The following ADAMTS16 variants were observed in gnomAD, a reference collection of about 807,000 sequenced individuals.
The protein encoded by ADAMTS16 is ADAM metallopeptidase with thrombospondin type 1 motif 16, also known as A disintegrin and metalloproteinase with thrombospondin motifs 16.
Under a neutral mutation model 145.8 loss-of-function variants are expected in ADAMTS16, and 94 were observed. The ratio of observed to expected loss-of-function variants is 0.64; its 90% confidence interval spans 0.55 to 0.77. The LOEUF is 0.77. Ranked by LOEUF, ADAMTS16 falls within the 30% of genes least tolerant of loss-of-function variation. ADAMTS16 has a pLI of 0.00. For missense variants in ADAMTS16, 1,585 were observed against 1,591.5 expected, an observed-to-expected ratio of 1.00 and a Z score of 0.07; for synonymous variants, 659 against 604.3, an observed-to-expected ratio of 1.09 and a Z score of -1.33.
At chr5:5,246,008 A>G (rs1407969029) in intron 17 of ADAMTS16, among the ~76,000 whole-genome samples, 1 of 152,234 alleles carries the variant, frequency 6.6e-6, no homozygotes, top group Non-Finnish European at 1.5e-5. Flanking sequence ...AATATTGCCC[A>G]GAACCAGTTT....
chr5:5,283,359 C>G (rs1738992136), intron 18 of ADAMTS16, among the ~76,000 whole-genome samples: 1 of 152,166 alleles, frequency 6.6e-6, no homozygotes, highest in South Asian at 2.1e-4. Flanking sequence ...TCCTACATAA[C>G]TATTCTATAG....
In ADAMTS16 at chr5:5,146,234, G is replaced by T. The variant is rs1288807459; in HGVS notation, c.280G>T (p.Val94Phe). 8 of 1,614,038 alleles carry T rather than the reference G, an allele frequency of 5.0e-6. No individual in the cohort carries two copies. The highest frequency in any genetic ancestry group is 6.8e-6 in the Non-Finnish European group (8 of 1,180,044). Residue 94 changes from valine (V) to phenylalanine (F), a missense_variant, in exon 3 of 23, where the codon GTT becomes TTT. Physicochemically the swap from Val to Phe is conservative, Grantham distance 50. Around this residue, in one of 3 missense-constraint regions of ADAMTS16, gnomAD observed 453 missense variants for 412.1 expected, o/e 1.10. Transcript: ENST00000274181. ...GAGAAGAGCAGTGCCCGTGTCCGAG[G>T]TTGAGTCTCTTCACCTTCGGCTGAA... Reference protein sequence around the residue: ...RRRRAVPVSEVESLHLRLKGS... With the variant: ...RRRRAVPVSEFESLHLRLKGS...
intron 3 of ADAMTS16, among the ~76,000 whole-genome samples, chr5:5,164,331 AAG>A (rs1460060387): frequency 1.3e-5 from 2 of 152,190 alleles, no homozygotes; most frequent in African/African-American, 2.4e-5. Context: ...AAGGGAAACA[AAG>A]ACTCTTGTCC....
rs370243015 is a variant in ADAMTS16, at chr5:5,227,765, T to A, written c.1702-4603T>A. ...GTGTTTCCTTTGCCATTACTTTTGA[T>A]TGCAAAAACTGCAATTGCTTTTGCA... On this transcript the variant is annotated intron_variant, in intron 11 of 22. Coordinates refer to ENST00000274181, the MANE Select transcript of ADAMTS16 (RefSeq NM_139056.4). Among the ~76,000 whole-genome samples the A allele has an allele frequency of 1.2e-4, 18 of 152,326 alleles. No individual in the cohort carries two copies. In the East Asian group the frequency reaches 2.5e-3, roughly 21 times the overall value.
chr5:5,313,596 C>T (rs567693398), intron 21 of ADAMTS16, among the ~76,000 whole-genome samples: 11 of 152,180 alleles, frequency 7.2e-5, no homozygotes, highest in Non-Finnish European at 1.6e-4. Flanking sequence ...CTGGCTCATT[C>T]TGGGAGCTCC....
chr5:5,296,205 A>G (rs998507846), intron 18 of ADAMTS16, among the ~76,000 whole-genome samples: 1 of 152,188 alleles, frequency 6.6e-6, no homozygotes, highest in Non-Finnish European at 1.5e-5. Context: ...GCACTCACAG[A>G]GGCTAAGTCA....
intron 8 of ADAMTS16, among the ~76,000 whole-genome samples, chr5:5,193,776 T>G (rs1429902047): frequency 6.6e-6 from 1 of 152,168 alleles, no homozygotes; most frequent in Non-Finnish European, 1.5e-5. Flanking sequence ...GAAAAAAATA[T>G]TTTTTCTGGA....
Position 5,146,122 on chromosome 5 carries a change from G to T in ADAMTS16, c.176-8G>T, listed in dbSNP as rs768044362. ...TGACTCAGCCTCTGCTCACTCTTTT[G>T]ATTTCAGAATATGACCTGGTCTCTG... is the stretch of plus-strand genomic sequence containing the variant. On this transcript the variant is annotated splice_polypyrimidine_tract_variant and splice_region_variant and intron_variant, in intron 2 of 22. Transcript: ENST00000274181. 1.9e-6 allele frequency: 3 copies of T among 1,608,478 alleles called. No homozygotes were observed. Among genetic ancestry groups the T allele is most frequent in the African/African-American group, 1.3e-5 (1 of 74,914 alleles).
intron 16 of ADAMTS16, among the ~76,000 whole-genome samples, chr5:5,240,955 A>T (rs561746528): frequency 3.7e-4 from 57 of 152,292 alleles, no homozygotes; most frequent in Admixed American, 7.2e-4. Flanking sequence ...GGTTGAAAAT[A>T]AGTGGGGCTT....
chr5:5,240,018 A>T (rs1015146941), intron 16 of ADAMTS16, 93 bp downstream of exon 16: 2 of 1,526,878 alleles, frequency 1.3e-6, no homozygotes, highest in Admixed American at 2.0e-5. Context: ...TTTAAGAAGA[A>T]TGTAAACAGT....
intron 8 of ADAMTS16, among the ~76,000 whole-genome samples, chr5:5,199,923 C>A (rs1205004684): frequency 6.6e-6 from 1 of 152,182 alleles, no homozygotes; most frequent in Non-Finnish European, 1.5e-5. Flanking sequence ...CACTTTGAGG[C>A]AATTTGGTGG....
At position 5,188,859 on chromosome 5, in the gene ADAMTS16, C is replaced by T. The variant is rs370986070; in HGVS notation, c.1047+1051C>T. On this transcript the variant is annotated intron_variant, in intron 6 of 22. Coordinates refer to ENST00000274181, the MANE Select transcript of ADAMTS16 (RefSeq NM_139056.4). Reference sequence around the variant, plus strand: ...GGGGGTTGCTGAACATGCCGGGCTTCTCAGGTGACAGGTTAATTATTCCTG... The same window carrying T: ...GGGGGTTGCTGAACATGCCGGGCTTTTCAGGTGACAGGTTAATTATTCCTG... Among the ~76,000 whole-genome samples the T allele has an allele frequency of 1.1e-4, 16 of 152,068 alleles. 1 individual carries two copies. The East Asian group carries it at 1.9e-3, about 18-fold the overall frequency.
intron 18 of ADAMTS16, among the ~76,000 whole-genome samples, chr5:5,302,757 C>T (rs184827904): frequency 9.9e-5 from 15 of 152,058 alleles, no homozygotes; most frequent in Admixed American, 2.6e-4. Context: ...GGGATGTTAA[C>T]GAATCATTAA....
chr5:5,246,233 T>C (rs1737434363), intron 17 of ADAMTS16, among the ~76,000 whole-genome samples: 2 of 152,240 alleles, frequency 1.3e-5, no homozygotes, highest in Non-Finnish European at 2.9e-5. Context: ...TTATTAAAAT[T>C]TGACCTGTGT....
chr5:5,184,984 T>C (rs1234260742), intron 4 of ADAMTS16, among the ~76,000 whole-genome samples: 2 of 152,286 alleles, frequency 1.3e-5, no homozygotes, highest in East Asian at 3.9e-4. Flanking sequence ...GCCAGTAATG[T>C]TCCTCTCCTC....
intron 18 of ADAMTS16, among the ~76,000 whole-genome samples, chr5:5,273,676 C>T (rs2126457036): frequency 6.6e-6 from 1 of 152,336 alleles, no homozygotes; most frequent in South Asian, 2.1e-4. Context: ...CTTACTGTGT[C>T]TCCCCTGGGG....
At position 5,310,274 on chromosome 5, in the gene ADAMTS16, C is replaced by T. The variant is rs988184770; in HGVS notation, c.3411+3546C>T. Among the ~76,000 whole-genome samples the T allele has an allele frequency of 6.6e-6, 1 of 152,082 alleles. No homozygotes were observed. ...AGGACCCCACCCACACTGCGCAGCC[C>T]ATCTCTCATCCTTCCTAGCCCCCAA... On this transcript the variant is annotated intron_variant, in intron 21 of 22. Coordinates refer to ENST00000274181, the MANE Select transcript of ADAMTS16 (RefSeq NM_139056.4). This position sits in a 1 kb window ranked among gnomAD's most constrained non-coding sequence, Gnocchi z 4.3.
rs747015117 is a variant in ADAMTS16 at position 5,239,783 on chromosome 5, G to C, written c.2381G>C (p.Arg794Thr). Residue 794 changes from arginine to threonine, a missense_variant, in exon 16 of 23, where the codon AGG becomes ACG. Physicochemically the swap from Arg to Thr is moderately conservative, Grantham distance 71. Coordinates refer to ENST00000274181, the MANE Select transcript of ADAMTS16 (RefSeq NM_139056.4). ...ATTTCTGTGCGCAATGCCCTCAGAA[G>C]GTACTACCTGAATGGGCACTGGACC... ...SYISVRNALR[R>T]YYLNGHWTVD... is the part of the protein sequence containing the mutation. 2.5e-6 allele frequency: 4 copies of C among 1,614,146 alleles called. No individual in the cohort carries two copies. The highest frequency in any genetic ancestry group is 3.4e-6 in the Non-Finnish European group (4 of 1,180,032).
chr5:5,161,406 T>A (rs1032108921), intron 3 of ADAMTS16, among the ~76,000 whole-genome samples: 29 of 152,238 alleles, frequency 1.9e-4, no homozygotes, highest in African/African-American at 6.8e-4. Flanking sequence ...ATGGTGTGGC[T>A]GACTCCAGGC....
Sources: allele counts gnomAD v4.1 joint callset (sites outside exome capture counted in the v4.1 genomes callset), GRCh38; gene constraint gnomAD v4.1.1; regional missense constraint gnomAD v4.1.1; non-coding constraint Gnocchi (gnomAD v3.1); transcripts MANE v1.5; gene names NCBI Gene and HGNC (gene_info 2026-07-23, HGNC 2026-07-21).